Variants in ANAPC1 observed in about 807,000 individuals in gnomAD.
The protein encoded by ANAPC1 is anaphase promoting complex subunit 1, also known as anaphase-promoting complex subunit 1.
ANAPC1 carries 36 observed loss-of-function variants against 208.0 expected under a neutral mutation model. That is an observed-to-expected ratio of 0.17 (90% CI 0.13 to 0.23). ANAPC1 has a LOEUF of 0.23. ANAPC1 is among the 10% of genes least tolerant of loss of function. The probability of loss-of-function intolerance (pLI) is 1.00; values close to 1 mark genes in which losing one functional copy is unlikely to be tolerated. For synonymous variants in ANAPC1, 378 were observed against 695.2 expected (o/e 0.54, Z 7.18); for missense variants, 942 against 2,011.6 (o/e 0.47, Z 10.17).
chr2:111,825,223 T>C (rs1443772223), intron 22 of ANAPC1, 56 bp from the exon 23 acceptor site: 2 of 1,587,938 alleles, frequency 1.3e-6, no homozygotes, highest in Non-Finnish European at 1.7e-6. Context: ...AAAGAAAACA[T>C]GTAACATGTA....
At chr2:111,843,317 G>T in intron 17 of ANAPC1, 95 bp downstream of exon 17, 6 of 1,166,836 alleles carry the variant, frequency 5.1e-6, no homozygotes, top group South Asian at 1.3e-5. Context: ...TTTGAATATG[G>T]TACGCCTATT....
rs573943111 is a variant in ANAPC1 at position 111,823,883 on chromosome 2, TC to T, written c.2812+1082del. Among the ~76,000 whole-genome samples the T allele has an allele frequency of 4.9e-3, 723 of 147,980 alleles. 9 individuals are homozygous for T. Among genetic ancestry groups the T allele is most frequent in the African/African-American group, 0.017 (707 of 40,848 alleles). ...GGGCCTTCTACTATGCGGGTAATAT[TC>T]TATTTCTAGGGGTGGGTGACCAGTA... On this transcript the variant is annotated intron_variant, in intron 24 of 47. Coordinates refer to ENST00000341068, the MANE Select transcript of ANAPC1 (RefSeq NM_022662.4).
chr2:111,810,363 G>A (rs1318245041), intron 28 of ANAPC1, among the ~76,000 whole-genome samples: 1 of 151,998 alleles, frequency 6.6e-6, no homozygotes, highest in African/African-American at 2.4e-5. Context: ...TTCCTTTATG[G>A]GGTGAAAAGA....
chr2:111,800,148 A>C (rs1478683880), intron 34 of ANAPC1, among the ~76,000 whole-genome samples: 2 of 129,678 alleles, frequency 1.5e-5, no homozygotes, highest in African/African-American at 5.8e-5. Flanking sequence ...ATAAGTGATG[A>C]AACATGTTTA....
chr2:111,862,093 A>G (rs1028396549), intron 10 of ANAPC1, among the ~76,000 whole-genome samples: 5 of 149,128 alleles, frequency 3.4e-5, no homozygotes, highest in Non-Finnish European at 4.5e-5. Flanking sequence ...TAGTAGAGAC[A>G]GGGTTTCACA....
chr2:111,825,321 T>G (rs1679775090), intron 22 of ANAPC1, among the ~76,000 whole-genome samples, 154 bp from the exon 23 acceptor site: 1 of 152,030 alleles, frequency 6.6e-6, no homozygotes, highest in African/African-American at 2.4e-5. Context: ...AAAAGTACAG[T>G]CAAGGCCCTC....
At chr2:111,855,259 T>A (rs1399169635) in intron 13 of ANAPC1, among the ~76,000 whole-genome samples, 1 of 152,140 alleles carries the variant, frequency 6.6e-6, no homozygotes, top group African/African-American at 2.4e-5. Context: ...AGAATTCCAA[T>A]AGTAACATCA....
intron 24 of ANAPC1, among the ~76,000 whole-genome samples, chr2:111,824,626 C>G (rs76388251): frequency 6.6e-6 from 1 of 152,078 alleles, no homozygotes; most frequent in East Asian, 1.9e-4. Context: ...CAAAACCACC[C>G]ATTTCTGATA....
intron 47 of ANAPC1, among the ~76,000 whole-genome samples, chr2:111,770,887 A>G: frequency 6.6e-6 from 1 of 151,724 alleles, no homozygotes; most frequent in East Asian, 2.0e-4. Context: ...AATCACACAT[A>G]AGTCTGTTTC....
At chr2:111,783,989 T>G in intron 41 of ANAPC1, 25 bp from the exon 42 acceptor site, 1 of 689,260 alleles carries the variant, frequency 1.5e-6, no homozygotes, top group Non-Finnish European at 2.6e-6. Context: ...GTAAACATAG[T>G]CAACCCAAAG....
intron 25 of ANAPC1, 187 bp from the exon 26 acceptor site, chr2:111,821,640 A>G (rs988980638): frequency 5.4e-6 from 3 of 560,532 alleles, no homozygotes; most frequent in African/African-American, 3.8e-5. Flanking sequence ...TCTAAAAAGT[A>G]CTATATTGCT....
chr2:111,852,797 A>G (rs1383896737), intron 13 of ANAPC1, among the ~76,000 whole-genome samples: 1 of 151,956 alleles, frequency 6.6e-6, no homozygotes, highest in Non-Finnish European at 1.5e-5. Flanking sequence ...TGGCCCATAG[A>G]GGCTAAGATA....
At chr2:111,848,473 G>T (rs1046583627) in intron 14 of ANAPC1, among the ~76,000 whole-genome samples, 1 of 151,760 alleles carries the variant, frequency 6.6e-6, no homozygotes, top group African/African-American at 2.4e-5. Context: ...AACCTTACAG[G>T]GCTAAAGACT....
intron 30 of ANAPC1, among the ~76,000 whole-genome samples, chr2:111,804,645 C>T (rs1461028897): frequency 7.0e-6 from 1 of 142,080 alleles, no homozygotes; most frequent in Non-Finnish European, 1.5e-5. Flanking sequence ...GTAGCTGGGA[C>T]TACAAGCACC....
intron 13 of ANAPC1, among the ~76,000 whole-genome samples, chr2:111,852,769 T>C (rs1681475890): frequency 6.6e-6 from 1 of 151,792 alleles, no homozygotes; most frequent in African/African-American, 2.4e-5. Context: ...AAGACAAATA[T>C]GTAACAGAGA....
intron 41 of ANAPC1, 85 bp downstream of exon 41, chr2:111,784,238 G>A: frequency 6.2e-7 from 1 of 1,610,002 alleles, no homozygotes; most frequent in Non-Finnish European, 8.5e-7. Context: ...GAAGAAAGCT[G>A]AGGCTTTTAT....
At chr2:111,827,359 C>T (rs1679893980) in intron 21 of ANAPC1, among the ~76,000 whole-genome samples, 1 of 152,174 alleles carries the variant, frequency 6.6e-6, no homozygotes, top group African/African-American at 2.4e-5. Flanking sequence ...TCCTTGAAGA[C>T]AACAGGCTCC....
chr2:111,841,845 G>GA (rs200603064), intron 17 of ANAPC1, among the ~76,000 whole-genome samples: 8,914 of 152,068 alleles, frequency 0.059, 813 homozygotes, highest in African/African-American at 0.19. Flanking sequence ...ATGAAATTTT[G>GA]AAAAAAACAT....
Position 111,768,034 on chromosome 2 carries a change from T to C in ANAPC1, c.*1257A>G, listed in dbSNP as rs1421119790. ...AAACATTTCTATTTGCTTTAATTTATTTTTAAAGTCAAACACCACAGTTCA... is the reference window on the plus strand; with the variant it reads ...AAACATTTCTATTTGCTTTAATTTACTTTTAAAGTCAAACACCACAGTTCA... On this transcript the variant is annotated 3_prime_UTR_variant, in exon 48 of 48. Transcript: ENST00000341068. 6.6e-6 allele frequency: 1 copy of C among 152,172 alleles called. No individual in the cohort carries two copies. The allele number at this position is 152,172 out of a possible 1,614,324, so 9.4% of individuals were successfully genotyped here. A position where few individuals can be genotyped will look rare whatever the true frequency, so the allele number is the denominator to read the frequency against.
Sources: allele counts gnomAD v4.1 joint callset (sites outside exome capture counted in the v4.1 genomes callset), GRCh38; gene constraint gnomAD v4.1.1; transcripts MANE v1.5; gene names NCBI Gene and HGNC (gene_info 2026-07-23, HGNC 2026-07-21).